SEMA5B: variants seen among roughly 807,000 people sequenced by gnomAD.
SEMA5B encodes semaphorin-5B.
In SEMA5B, 66 loss-of-function variants were observed where a neutral mutation model predicts 135.0. The ratio of observed to expected loss-of-function variants is 0.49; its 90% CI spans 0.40 to 0.60. SEMA5B has a LOEUF of 0.60. Ranked by LOEUF, SEMA5B falls within the 20% of genes least tolerant of loss-of-function variation. The pLI, the probability that SEMA5B is intolerant of heterozygous loss-of-function variation, is 0.00. For synonymous variants in SEMA5B, 690 were observed against 639.5 expected, an observed-to-expected ratio of 1.08 and a Z score of -1.19; for missense variants, 1,501 against 1,566.3, an observed-to-expected ratio of 0.96 and a Z score of 0.70.
chr3:122,938,834 G>A (rs1471303407), intron 5 of SEMA5B, among the ~76,000 whole-genome samples: 5 of 152,212 alleles, frequency 3.3e-5, no homozygotes, highest in African/African-American at 9.7e-5. Flanking sequence ...TAAATGTTCT[G>A]GACCAAGGAG....
At chr3:122,947,176 C>T (rs1207547764) in intron 3 of SEMA5B, among the ~76,000 whole-genome samples, 1 of 152,182 alleles carries the variant, frequency 6.6e-6, no homozygotes, top group Non-Finnish European at 1.5e-5. Context: ...CCTCTGTCCT[C>T]TTCAGTGACA....
rs138130330 is a variant in SEMA5B at position 123,024,793 on chromosome 3, TATAG to T, written c.-39+2667_-39+2670del. 3.4e-3 allele frequency among the ~76,000 whole-genome samples: 518 copies of T among 152,338 alleles called. 5 individuals carry two copies. The highest frequency in any genetic ancestry group is 0.012 in the African/African-American group (494 of 41,570). Reference sequence around the variant, plus strand: ...TTCTTAGAATCTTAATATCTTTATCTATAGATATAAGGGGTCAGGCTACTTAAAG... The same window carrying T: ...TTCTTAGAATCTTAATATCTTTATCTATATAAGGGGTCAGGCTACTTAAAG... On this transcript the variant is annotated intron_variant, in intron 1 of 22. Transcript: ENST00000357599.
At chr3:123,012,524 T>C (rs1290434775) in intron 1 of SEMA5B, among the ~76,000 whole-genome samples, 1 of 152,204 alleles carries the variant, frequency 6.6e-6, no homozygotes, top group Non-Finnish European at 1.5e-5. Flanking sequence ...TCCCCGGTCC[T>C]ACCCTTTCAA....
intron 1 of SEMA5B, among the ~76,000 whole-genome samples, chr3:122,977,664 T>C (rs1284141298): frequency 1.3e-5 from 2 of 152,156 alleles, no homozygotes; most frequent in African/African-American, 4.8e-5. Context: ...TCTGACCAAA[T>C]ATCTGGGCAC....
At chr3:123,010,438 C>A (rs1942412276) in intron 1 of SEMA5B, among the ~76,000 whole-genome samples, 1 of 152,060 alleles carries the variant, frequency 6.6e-6, no homozygotes, top group Non-Finnish European at 1.5e-5. Context: ...GCATGGAGTT[C>A]AGGAAAGGGA....
At position 122,912,029 on chromosome 3, in the gene SEMA5B, G is replaced by A. The variant is rs140499582; in HGVS notation, c.2937C>T (p.Asp979=). Residue 979 remains aspartate (D), a synonymous_variant, in exon 20 of 23, where the codon GAC becomes GAT. Transcript: ENST00000357599. ...SPWSEWSKCT[D]DGAQSRSRHC... The stretch of plus-strand genomic sequence containing the variant: ...GCCGGCTTCGGCTCTGGGCTCCGTC[G>A]TCAGTGCACTTACTCCACTCAGACC... The A allele has an allele frequency of 2.5e-6, 4 of 1,613,706 alleles. No individual in the cohort carries two copies. The African/African-American group carries it at 4.0e-5, about 16-fold the overall frequency.
intron 1 of SEMA5B, among the ~76,000 whole-genome samples, chr3:123,019,953 A>G (rs1942640159): frequency 6.6e-6 from 1 of 152,234 alleles, no homozygotes; most frequent in African/African-American, 2.4e-5. Context: ...AGTCAGCGCG[A>G]AGCCTCAGAG....
At chr3:122,991,028 C>T (rs1941858887) in intron 1 of SEMA5B, among the ~76,000 whole-genome samples, 1 of 152,156 alleles carries the variant, frequency 6.6e-6, no homozygotes, top group African/African-American at 2.4e-5. Context: ...CCATCCTGGC[C>T]TTGATGCCAC....
At position 122,921,956 on chromosome 3, in the gene SEMA5B, C is replaced by A; in HGVS notation, c.1647G>T (p.Leu549=). The A allele has an allele frequency of 1.3e-6, 2 of 1,535,994 alleles. No homozygotes were observed. Among genetic ancestry groups the A allele is most frequent in the Non-Finnish European group, 1.7e-6 (2 of 1,145,646 alleles). ...ALFVGLRDGV[L]RVPLERCAAY... is the part of the protein sequence containing the mutation. ...CGGCGCACCTCTCCAGTGGGACCCG[C>A]AGGACGCCGTCTCTCAGCCCCACGA... Residue 549 remains leucine (L), a synonymous_variant, in exon 12 of 23, where the codon CTG becomes CTT. Transcript: ENST00000357599.
At chr3:122,976,626 AC>A (rs1157834172) in intron 1 of SEMA5B, among the ~76,000 whole-genome samples, 1 of 152,234 alleles carries the variant, frequency 6.6e-6, no homozygotes, top group Admixed American at 6.5e-5. Flanking sequence ...AGATTCTGTC[AC>A]CAACATTCTG....
chr3:123,021,273 C>A (rs1352587451), intron 1 of SEMA5B, among the ~76,000 whole-genome samples: 2 of 152,212 alleles, frequency 1.3e-5, no homozygotes, highest in Non-Finnish European at 2.9e-5. Context: ...ACCAACAGGG[C>A]AATGTGTAAA....
intron 5 of SEMA5B, among the ~76,000 whole-genome samples, chr3:122,936,795 AAC>A (rs1228408397): frequency 6.6e-6 from 1 of 152,026 alleles, no homozygotes; most frequent in Non-Finnish European, 1.5e-5. Flanking sequence ...CTCCACCTCC[AAC>A]ACACACACTG....
intron 14 of SEMA5B, among the ~76,000 whole-genome samples, chr3:122,914,825 A>C (rs927465897): frequency 6.6e-6 from 1 of 152,182 alleles, no homozygotes; most frequent in Non-Finnish European, 1.5e-5. Context: ...AGTCTCAGCT[A>C]ATCAGGAGGT....
chr3:122,995,382 C>T (rs1179220775), intron 1 of SEMA5B, among the ~76,000 whole-genome samples: 2 of 152,166 alleles, frequency 1.3e-5, no homozygotes, highest in Non-Finnish European at 2.9e-5. Flanking sequence ...CTACACTCTA[C>T]CAGAAAACCC....
At chr3:122,937,697 C>G (rs2107505523) in intron 5 of SEMA5B, among the ~76,000 whole-genome samples, 1 of 152,302 alleles carries the variant, frequency 6.6e-6, no homozygotes, top group South Asian at 2.1e-4. Flanking sequence ...AGGCTGACAC[C>G]AGGTCAACAC....
At chr3:122,955,790 C>T (rs1303403729) in intron 2 of SEMA5B, among the ~76,000 whole-genome samples, 1 of 152,208 alleles carries the variant, frequency 6.6e-6, no homozygotes, top group Admixed American at 6.5e-5. Context: ...TTATGAAATC[C>T]ATTAATATTA....
At chr3:122,992,127 C>T (rs753233180) in intron 1 of SEMA5B, among the ~76,000 whole-genome samples, 3 of 152,162 alleles carry the variant, frequency 2.0e-5, no homozygotes, top group Non-Finnish European at 2.9e-5. Flanking sequence ...CTGTGGTTCT[C>T]CACCCTCATT....
At chr3:122,922,512 C>G in intron 10 of SEMA5B, 65 bp from the exon 11 acceptor site, 1 of 1,472,744 alleles carries the variant, frequency 6.8e-7, no homozygotes, top group Non-Finnish European at 9.1e-7. Flanking sequence ...CCCGCCGGCT[C>G]CCTCCTCCTG....
At chr3:122,929,145 C>T (rs1560312698) in intron 5 of SEMA5B, 87 bp from the exon 6 acceptor site, 7 of 1,298,876 alleles carry the variant, frequency 5.4e-6, no homozygotes, top group African/African-American at 1.5e-5. Context: ...CAGCCAGTGT[C>T]GGGAGTGGAC....
Sources: gnomAD v4.1 joint callset for allele counts (sites outside exome capture counted in the v4.1 genomes callset) on GRCh38, gnomAD v4.1.1 for gene constraint, MANE v1.5 for transcripts, NCBI Gene and HGNC (gene_info 2026-07-23, HGNC 2026-07-21) for gene names.